RORA: variants seen among roughly 807,000 people sequenced by gnomAD.
The protein encoded by RORA is nuclear receptor ROR-alpha.
A neutral mutation model predicts 69.5 loss-of-function variants in RORA; 7 were observed. The ratio of observed to expected loss-of-function variants is 0.10; its 90% CI spans 0.06 to 0.19. The LOEUF (loss-of-function observed/expected upper bound fraction) is 0.19. Ranked by LOEUF, RORA falls within the 10% of genes least tolerant of loss-of-function variation. RORA has a pLI of 1.00. For missense variants in RORA, 457 were observed against 663.0 expected, an observed-to-expected ratio of 0.69 and a Z score of 3.41; for synonymous variants, 261 against 240.8, an observed-to-expected ratio of 1.08 and a Z score of -0.78.
At chr15:61,036,837 A>C (rs1468545943) in intron 1 of RORA, among the ~76,000 whole-genome samples, 2 of 150,476 alleles carry the variant, frequency 1.3e-5, no homozygotes, top group African/African-American at 4.9e-5. Flanking sequence ...CCAAAACAAG[A>C]AAACAAAGCA....
intron 1 of RORA, among the ~76,000 whole-genome samples, chr15:61,111,289 T>C (rs2079004128): frequency 6.6e-6 from 1 of 152,200 alleles, no homozygotes; most frequent in Non-Finnish European, 1.5e-5. Context: ...TTGTCTTCTG[T>C]TGAGACAGAT....
intron 2 of RORA, among the ~76,000 whole-genome samples, chr15:60,655,600 T>G (rs1288287996): frequency 6.6e-6 from 1 of 152,164 alleles, no homozygotes; most frequent in Non-Finnish European, 1.5e-5. Context: ...AGAATGAATG[T>G]CATTCAGAGC....
intron 1 of RORA, among the ~76,000 whole-genome samples, chr15:61,168,869 A>G (rs1054182947): frequency 2.0e-5 from 3 of 152,132 alleles, no homozygotes; most frequent in Non-Finnish European, 2.9e-5. Flanking sequence ...TACCTCCCAA[A>G]GTCTCTGACA....
intron 2 of RORA, among the ~76,000 whole-genome samples, chr15:60,671,067 G>GAGATATATATATATATATATATATATAT (rs1244344338): frequency 8.2e-6 from 1 of 122,310 alleles, no homozygotes; most frequent in African/African-American, 4.1e-5. Context: ...ATATCCCATT[G>GAGATATATATATATATATATATATATAT]ATATATATAT....
At chr15:60,887,168 G>C (rs1595793315) in intron 1 of RORA, among the ~76,000 whole-genome samples, 1 of 134,714 alleles carries the variant, frequency 7.4e-6, no homozygotes, top group African/African-American at 2.8e-5. Context: ...GAGAGAGAGA[G>C]AAAGAGAGTT....
chr15:61,049,950 C>T (rs974106088), intron 1 of RORA, among the ~76,000 whole-genome samples: 1 of 152,206 alleles, frequency 6.6e-6, no homozygotes, highest in Non-Finnish European at 1.5e-5. Context: ...TGAGCCACGG[C>T]ACTCGGCCCA....
At chr15:60,725,300 A>G (rs1185733703) in intron 1 of RORA, among the ~76,000 whole-genome samples, 1 of 152,090 alleles carries the variant, frequency 6.6e-6, no homozygotes. Flanking sequence ...TATTACCTGG[A>G]CTATTTACTT....
At chr15:61,205,613 G>A (rs1035444845) in intron 1 of RORA, among the ~76,000 whole-genome samples, 1 of 152,176 alleles carries the variant, frequency 6.6e-6, no homozygotes, top group Admixed American at 6.5e-5. Context: ...GATACCTAAG[G>A]AATGAAAGGA....
At chr15:61,228,490 C>G (rs2080169273) in intron 1 of RORA, among the ~76,000 whole-genome samples, 1 of 151,474 alleles carries the variant, frequency 6.6e-6, no homozygotes, top group Non-Finnish European at 1.5e-5. Context: ...CGGAGCGCCC[C>G]CTCTCCACCC....
At chr15:61,155,190 T>C (rs1267324734) in intron 1 of RORA, among the ~76,000 whole-genome samples, 1 of 152,192 alleles carries the variant, frequency 6.6e-6, no homozygotes, top group Non-Finnish European at 1.5e-5. Context: ...TATACATGCA[T>C]TAAAACATCA....
At chr15:60,616,956 T>C (rs2069260417) in intron 2 of RORA, among the ~76,000 whole-genome samples, 1 of 152,216 alleles carries the variant, frequency 6.6e-6, no homozygotes, top group Non-Finnish European at 1.5e-5. Flanking sequence ...ATGCTTTTAC[T>C]ATGATGGGCA....
chr15:61,007,729 A>G (rs933939703), intron 1 of RORA, among the ~76,000 whole-genome samples: 2 of 148,836 alleles, frequency 1.3e-5, no homozygotes, highest in African/African-American at 2.4e-5. Flanking sequence ...AATATTATAT[A>G]TTTTATATAA....
intron 1 of RORA, among the ~76,000 whole-genome samples, chr15:60,829,670 A>G (rs1220113369): frequency 6.6e-6 from 1 of 152,234 alleles, no homozygotes; most frequent in African/African-American, 2.4e-5. Flanking sequence ...ATCCGCTGAA[A>G]GGGTAGGGCC....
intron 2 of RORA, among the ~76,000 whole-genome samples, chr15:60,579,116 C>T (rs1370541218): frequency 6.8e-6 from 1 of 147,572 alleles, no homozygotes; most frequent in Non-Finnish European, 1.5e-5. Flanking sequence ...TGAAGAATAC[C>T]ATGACTGCTG....
At chr15:61,052,142 G>A (rs2078023377) in intron 1 of RORA, among the ~76,000 whole-genome samples, 2 of 152,216 alleles carry the variant, frequency 1.3e-5, no homozygotes, top group South Asian at 4.1e-4. Flanking sequence ...AACCATTAGT[G>A]TTATGTGGGT....
rs2066608177 is a variant in RORA at position 60,534,094 on chromosome 15, G to C, written c.197-2243C>G. On this transcript the variant is annotated intron_variant, in intron 2 of 10. Transcript: ENST00000335670. This position sits in a 1 kb window ranked among gnomAD's most constrained non-coding sequence, Gnocchi z 5.0. ...CATCTGGACAAACTGAAAATGATAT[G>C]CAGTATTCCTGTACAGTCGGCCTGG... is the stretch of plus-strand genomic sequence containing the variant. Among the ~76,000 whole-genome samples the C allele has an allele frequency of 1.3e-5, 2 of 152,214 alleles. No homozygotes were observed. The highest frequency in any genetic ancestry group is 6.5e-5 in the Admixed American group (1 of 15,286).
At position 61,075,257 on chromosome 15, in the gene RORA, C is replaced by T. The variant is rs570094671; in HGVS notation, c.166+153796G>A. On this transcript the variant is annotated intron_variant, in intron 1 of 10. Transcript: ENST00000335670. ...AAAAGCACCATGAATTGAGAAAGTCCGGGAGCTTTAGGAATCTGGAGGGAG... is the reference window on the plus strand; with the variant it reads ...AAAAGCACCATGAATTGAGAAAGTCTGGGAGCTTTAGGAATCTGGAGGGAG... Among the ~76,000 whole-genome samples the T allele has an allele frequency of 3.3e-5, 5 of 152,128 alleles. No homozygotes were observed. The East Asian group carries it at 9.7e-4, about 29-fold the overall frequency.
chr15:61,003,613 T>C (rs971930164), intron 1 of RORA, among the ~76,000 whole-genome samples: 17 of 152,198 alleles, frequency 1.1e-4, no homozygotes, highest in African/African-American at 4.1e-4. Context: ...TGTGGGTTTG[T>C]GTGTCTAAGT....
chr15:61,097,452 T>C (rs1475794223), intron 1 of RORA, among the ~76,000 whole-genome samples: 2 of 151,934 alleles, frequency 1.3e-5, no homozygotes, highest in Non-Finnish European at 1.5e-5. Context: ...CCCTTCACAG[T>C]AGCCACCCTG....
Sources: allele counts gnomAD v4.1 joint callset (sites outside exome capture counted in the v4.1 genomes callset), GRCh38; gene constraint gnomAD v4.1.1; non-coding constraint Gnocchi (gnomAD v3.1); transcripts MANE v1.5; gene names NCBI Gene and HGNC (gene_info 2026-07-23, HGNC 2026-07-21).